The following GRID2 variants were observed in gnomAD, a reference collection of about 807,000 sequenced individuals.
The protein encoded by GRID2 is glutamate ionotropic receptor delta type subunit 2, also known as glutamate receptor ionotropic, delta-2.
GRID2 carries 33 observed loss-of-function variants against 114.8 expected under a neutral mutation model. That is an observed-to-expected ratio of 0.29 (90% CI 0.22 to 0.38). GRID2 has a LOEUF of 0.38. Among genes scored for constraint, GRID2 ranks in the 10% least tolerant of loss-of-function variants. The pLI is 1.00. For synonymous variants in GRID2, 505 were observed against 449.9 expected (o/e 1.12, Z -1.55); for missense variants, 1,184 against 1,257.7 (o/e 0.94, Z 0.89).
intron 1 of GRID2, among the ~76,000 whole-genome samples, chr4:92,535,966 T>C (rs578033781): frequency 6.6e-6 from 1 of 152,218 alleles, no homozygotes; most frequent in East Asian, 1.9e-4. Flanking sequence ...GGAGAGATGG[T>C]GCAGACCTTC....
intron 14 of GRID2, among the ~76,000 whole-genome samples, chr4:93,665,699 T>C (rs34139497): frequency 0.017 from 2,555 of 152,284 alleles, 80 homozygotes; most frequent in African/African-American, 0.059. Context: ...CCAAATTTTC[T>C]GTATCTTCTT....
intron 1 of GRID2, among the ~76,000 whole-genome samples, chr4:92,443,638 G>T (rs975554427): frequency 1.3e-5 from 2 of 152,080 alleles, no homozygotes; most frequent in Admixed American, 6.6e-5. Context: ...GGGACTTGCC[G>T]CTAAGAGTGA....
At chr4:93,009,661 T>A (rs1721920616) in intron 2 of GRID2, among the ~76,000 whole-genome samples, 1 of 152,088 alleles carries the variant, frequency 6.6e-6, no homozygotes. Flanking sequence ...TTCAGGAATT[T>A]TTTATTGTTG....
chr4:93,584,468 C>T (rs1481401048), intron 13 of GRID2, among the ~76,000 whole-genome samples: 1 of 152,170 alleles, frequency 6.6e-6, no homozygotes, highest in African/African-American at 2.4e-5. Context: ...TACTATCCCT[C>T]AATGGTTGAA....
At chr4:92,922,854 A>G (rs1011768415) in intron 2 of GRID2, among the ~76,000 whole-genome samples, 1 of 152,198 alleles carries the variant, frequency 6.6e-6, no homozygotes, top group African/African-American at 2.4e-5. Flanking sequence ...GAACTAATCT[A>G]TGCTGTTAGA....
intron 2 of GRID2, among the ~76,000 whole-genome samples, chr4:92,689,565 G>T (rs560933830): frequency 6.6e-6 from 1 of 152,204 alleles, no homozygotes; most frequent in Non-Finnish European, 1.5e-5. Flanking sequence ...GAATCCTGTT[G>T]TGTGAACTGC....
In GRID2 at chr4:93,779,792, C is replaced by T. The variant is rs1217247539; in HGVS notation, c.221+10342C>T. Among the ~76,000 whole-genome samples, 5 of 152,072 alleles carry T rather than the reference C, an allele frequency of 3.3e-5. 1 individual carries two copies. Among genetic ancestry groups the T allele is most frequent in the Admixed American group, 1.3e-4 (2 of 15,270 alleles). On this transcript the variant is annotated intron_variant, in intron 1 of 1. Transcript: ENST00000637838. ...GGTTACAGTGCAACCATAGGACAAG[C>T]GTTGGGAAGAATGTTCAGAGGCACA... is the stretch of plus-strand genomic sequence containing the variant.
chr4:93,239,171 A>AAT (rs10596123), intron 8 of GRID2, among the ~76,000 whole-genome samples: 185 of 144,886 alleles, frequency 1.3e-3, no homozygotes, highest in African/African-American at 1.4e-3. Context: ...TGATATATAT[A>AAT]ATATATATAT....
At chr4:92,407,770 A>C (rs1731097530) in intron 1 of GRID2, among the ~76,000 whole-genome samples, 1 of 151,714 alleles carries the variant, frequency 6.6e-6, no homozygotes, top group African/African-American at 2.4e-5. Flanking sequence ...CCCATTTTTA[A>C]ATTGGATTAT....
intron 3 of GRID2, among the ~76,000 whole-genome samples, chr4:93,106,969 C>A (rs1177775968): frequency 6.6e-6 from 1 of 152,176 alleles, no homozygotes; most frequent in Non-Finnish European, 1.5e-5. Context: ...CACACATAGA[C>A]ACTTTTGCAA....
chr4:92,849,351 G>A (rs1412981720), intron 2 of GRID2, among the ~76,000 whole-genome samples: 1 of 151,832 alleles, frequency 6.6e-6, no homozygotes, highest in Non-Finnish European at 1.5e-5. Flanking sequence ...TCTTTGACTT[G>A]GGGATTTATA....
At chr4:92,921,814 A>C (rs1026423455) in intron 2 of GRID2, among the ~76,000 whole-genome samples, 1 of 152,214 alleles carries the variant, frequency 6.6e-6, no homozygotes, top group African/African-American at 2.4e-5. Context: ...TTGAGGAGGC[A>C]GTCTGTCTGT....
chr4:93,281,738 A>G (rs1259301230), intron 8 of GRID2, among the ~76,000 whole-genome samples: 1 of 152,012 alleles, frequency 6.6e-6, no homozygotes, highest in East Asian at 1.9e-4. Context: ...TTCTTGCTTA[A>G]AATTCCTCAT....
chr4:93,251,627 A>G (rs1040423717), intron 8 of GRID2, among the ~76,000 whole-genome samples: 13 of 152,064 alleles, frequency 8.5e-5, no homozygotes, highest in African/African-American at 3.1e-4. Flanking sequence ...ACTAGTATCC[A>G]TTAGTTATTT....
chr4:92,732,391 T>C (rs768864072), intron 2 of GRID2, among the ~76,000 whole-genome samples: 3 of 152,082 alleles, frequency 2.0e-5, no homozygotes, highest in African/African-American at 4.8e-5. Flanking sequence ...GTATACTATA[T>C]GTGAACATAG....
chr4:93,572,721 C>T (rs1736044735), intron 13 of GRID2, among the ~76,000 whole-genome samples: 1 of 151,976 alleles, frequency 6.6e-6, no homozygotes, highest in Admixed American at 6.6e-5. Context: ...CCTGTGTTTC[C>T]ATGGCTACAT....
At chr4:93,359,860 A>C (rs1285996779) in intron 8 of GRID2, among the ~76,000 whole-genome samples, 3 of 126,114 alleles carry the variant, frequency 2.4e-5, no homozygotes, top group African/African-American at 9.3e-5. Context: ...GGCATAGATA[A>C]GGAAGGTGTA....
intron 2 of GRID2, among the ~76,000 whole-genome samples, chr4:92,803,900 A>G (rs534510854): frequency 4.8e-4 from 73 of 152,080 alleles, no homozygotes; most frequent in African/African-American, 1.6e-3. Context: ...CAGTAGAGTC[A>G]TGCTCTCTCC....
At chr4:92,513,609 T>C (rs774615280) in intron 1 of GRID2, among the ~76,000 whole-genome samples, 19 of 151,852 alleles carry the variant, frequency 1.3e-4, no homozygotes, top group Non-Finnish European at 2.8e-4. Flanking sequence ...TAGTACTTAT[T>C]ATCATTGTAA....
Sources: allele counts gnomAD v4.1 joint callset (sites outside exome capture counted in the v4.1 genomes callset), GRCh38; gene constraint gnomAD v4.1.1; transcripts MANE v1.5; gene names NCBI Gene and HGNC (gene_info 2026-07-23, HGNC 2026-07-21).